The following EYS variants were observed in gnomAD, a reference collection of about 807,000 sequenced individuals.
The protein encoded by EYS is protein eyes shut homolog.
Under a neutral mutation model 282.1 loss-of-function variants are expected in EYS, and 250 were observed. The observed-to-expected ratio is 0.89, with a 90% confidence interval of 0.80 to 0.98. The LOEUF is 0.98. EYS is among the 50% of genes least tolerant of loss of function. EYS has a pLI of 0.00. For synonymous variants in EYS, 1,355 were observed against 1,282.9 expected (o/e 1.06, Z -1.20); for missense variants, 4,016 against 3,709.0 (o/e 1.08, Z -2.15).
chr6:64,173,902 G>A (rs1042379999), intron 31 of EYS, among the ~76,000 whole-genome samples: 5 of 152,064 alleles, frequency 3.3e-5, no homozygotes, highest in African/African-American at 1.2e-4. Flanking sequence ...ATGCTCAACA[G>A]CAGATGGGAA....
At chr6:65,222,809 G>A (rs754923241) in intron 12 of EYS, among the ~76,000 whole-genome samples, 1 of 152,150 alleles carries the variant, frequency 6.6e-6, no homozygotes, top group Non-Finnish European at 1.5e-5. Flanking sequence ...AAGTGGATTT[G>A]TCAGGAACGA....
chr6:63,781,993 A>T (rs1174599277), intron 39 of EYS, among the ~76,000 whole-genome samples: 1 of 152,210 alleles, frequency 6.6e-6, no homozygotes, highest in Non-Finnish European at 1.5e-5. Context: ...CCTTTTCTGC[A>T]TCTATTGAGA....
chr6:64,652,239 A>G (rs1372010234), intron 22 of EYS, among the ~76,000 whole-genome samples: 2 of 152,206 alleles, frequency 1.3e-5, no homozygotes, highest in Non-Finnish European at 2.9e-5. Flanking sequence ...TTTGTGATCA[A>G]GTTTTATGGC....
At chr6:64,099,001 T>G (rs1772732557) in intron 31 of EYS, among the ~76,000 whole-genome samples, 1 of 152,200 alleles carries the variant, frequency 6.6e-6, no homozygotes, top group South Asian at 2.1e-4. Context: ...TCATTGGTAA[T>G]TATAAAAATT....
At chr6:65,375,892 G>A (rs1201627325) in intron 8 of EYS, among the ~76,000 whole-genome samples, 3 of 152,144 alleles carry the variant, frequency 2.0e-5, no homozygotes, top group Non-Finnish European at 2.9e-5. Flanking sequence ...GAAGACCAAA[G>A]GTATGATTGA....
chr6:63,969,973 C>G (rs1033324447), intron 35 of EYS, among the ~76,000 whole-genome samples: 9 of 152,166 alleles, frequency 5.9e-5, no homozygotes, highest in Non-Finnish European at 1.3e-4. Context: ...CTGAGTTGAG[C>G]ACAAGTGGTG....
At chr6:64,851,754 C>A (rs1162750174) in intron 19 of EYS, among the ~76,000 whole-genome samples, 1 of 151,998 alleles carries the variant, frequency 6.6e-6, no homozygotes, top group Non-Finnish European at 1.5e-5. Flanking sequence ...GATGAGAACA[C>A]ATGGACATAT....
intron 26 of EYS, among the ~76,000 whole-genome samples, chr6:64,521,031 C>G (rs757985043): frequency 2.0e-5 from 3 of 151,722 alleles, no homozygotes; most frequent in African/African-American, 7.3e-5. Flanking sequence ...TCCAGCAATG[C>G]GGACAGGCAA....
intron 12 of EYS, among the ~76,000 whole-genome samples, chr6:65,238,321 A>C (rs1035321966): frequency 6.6e-6 from 1 of 151,192 alleles, no homozygotes; most frequent in African/African-American, 2.4e-5. Flanking sequence ...ATAATACTAG[A>C]ATCACTTTTT....
chr6:64,316,268 G>C (rs1019756509), intron 29 of EYS, among the ~76,000 whole-genome samples: 1 of 152,002 alleles, frequency 6.6e-6, no homozygotes, highest in Non-Finnish European at 1.5e-5. Context: ...GGAAAAGAGG[G>C]AGTCAAATTG....
At chr6:64,536,733 T>C (rs1764529439) in intron 26 of EYS, among the ~76,000 whole-genome samples, 1 of 151,818 alleles carries the variant, frequency 6.6e-6, no homozygotes, top group Non-Finnish European at 1.5e-5. Context: ...ATAAATAGCA[T>C]TTACCATTTG....
At chr6:64,500,576 A>G (rs1411835752) in intron 26 of EYS, among the ~76,000 whole-genome samples, 5 of 152,254 alleles carry the variant, frequency 3.3e-5, no homozygotes, top group South Asian at 2.1e-4. Context: ...TTAAATACCA[A>G]TGGTGTTCAA....
At chr6:64,039,414 G>A (rs1475340572) in intron 33 of EYS, among the ~76,000 whole-genome samples, 1 of 152,136 alleles carries the variant, frequency 6.6e-6, no homozygotes, top group Non-Finnish European at 1.5e-5. Context: ...AATATTAGAA[G>A]CGGTATAGTA....
In EYS at chr6:64,307,046, C is replaced by T. The variant is rs1380913742; in HGVS notation, c.6115G>A (p.Glu2039Lys). ...VPVKNFTGCI[E>K]VIEINNWRSF... The stretch of plus-strand genomic sequence containing the variant: ...CTCCAGTTATTTATTTCTATAACTT[C>T]TATGCAGCCAGTAAAATTCTTGACT... Residue 2039 changes from glutamate (E) to lysine (K), a missense_variant, in exon 30 of 43, where the codon GAA becomes AAA. By Grantham distance (56) the Glu-to-Lys change is moderately conservative (BLOSUM62 1). Transcript: ENST00000503581. The T allele has an allele frequency of 6.5e-7, 1 of 1,539,276 alleles. No individual in the cohort carries two copies. The highest frequency in any genetic ancestry group is 1.4e-5 in the African/African-American group (1 of 72,574).
chr6:64,603,630 G>T (rs571770025), intron 24 of EYS, among the ~76,000 whole-genome samples: 1 of 152,102 alleles, frequency 6.6e-6, no homozygotes, highest in East Asian at 1.9e-4. Context: ...ACTCCAGAAA[G>T]GAAAGCCCTT....
intron 33 of EYS, among the ~76,000 whole-genome samples, chr6:64,020,695 A>G (rs1254587203): frequency 3.3e-5 from 5 of 152,162 alleles, no homozygotes; most frequent in African/African-American, 4.8e-5. Context: ...ATAAAAAGAA[A>G]TATTGATATT....
chr6:63,879,618 A>G (rs530955866), intron 35 of EYS, among the ~76,000 whole-genome samples: 4 of 152,308 alleles, frequency 2.6e-5, no homozygotes, highest in South Asian at 2.1e-4. Flanking sequence ...TATAAATGCA[A>G]TTACCACGCA....
In EYS at chr6:64,591,307, G is replaced by T; in HGVS notation, c.4560C>A (p.Ala1520=). 6 of 1,551,396 alleles carry T rather than the reference G, an allele frequency of 3.9e-6. No individual in the cohort carries two copies. The highest frequency in any genetic ancestry group is 4.4e-6 in the Non-Finnish European group (5 of 1,146,792). Reference sequence around the variant, plus strand: ...TAGCCTGATATTCACTGGGATTGAAGGCTTTTGTACTGAACCGGTGCAGAG... The same window carrying T: ...TAGCCTGATATTCACTGGGATTGAATGCTTTTGTACTGAACCGGTGCAGAG... ...SSALHRFSTK[A]FNPSEYQAIT... is the part of the protein sequence containing the mutation. The change falls in exon 26 of 43, where the codon GCC becomes GCA. Residue 1520 remains alanine, a synonymous_variant. Coordinates refer to ENST00000503581, the MANE Select transcript of EYS (RefSeq NM_001142800.2).
In EYS at chr6:64,997,630, G is replaced by A. The variant is rs1771311233; in HGVS notation, c.2211C>T (p.Cys737=). 1 of 1,551,032 alleles carries A rather than the reference G, an allele frequency of 6.4e-7. No homozygotes were observed. Among genetic ancestry groups the A allele is most frequent in the Admixed American group, 2.0e-5 (1 of 50,978 alleles). ...GIRCEQDIDD[C]ILNACEHNST... is the part of the protein sequence containing the mutation. ...AATTGTGCTCACAGGCATTCAGGAT[G>A]CAGTCATCAATGTCCTGTTCACATC... Residue 737 remains cysteine, a synonymous_variant, in exon 14 of 43, where the codon TGC becomes TGT. Transcript: ENST00000503581.
Sources: allele counts gnomAD v4.1 joint callset (sites outside exome capture counted in the v4.1 genomes callset), GRCh38; gene constraint gnomAD v4.1.1; transcripts MANE v1.5; gene names NCBI Gene and HGNC (gene_info 2026-07-23, HGNC 2026-07-21).